The following ARSJ variants were observed in gnomAD, a reference collection of about 807,000 sequenced individuals.
The protein encoded by ARSJ is arylsulfatase J.
In ARSJ, 26 loss-of-function variants were observed where a neutral mutation model predicts 35.9. The observed-to-expected ratio is 0.72, with a 90% CI of 0.53 to 1.00. The LOEUF (loss-of-function observed/expected upper bound fraction) is 1.00, where lower values mean the gene tolerates loss of function less well. Among genes scored for constraint, ARSJ ranks in the 50% least tolerant of loss-of-function variants. The probability of loss-of-function intolerance (pLI) is 0.00; values close to 1 mark genes in which losing one functional copy is unlikely to be tolerated. For missense variants in ARSJ, 667 were observed against 723.6 expected (o/e 0.92, Z 0.90); for synonymous variants, 294 against 267.6 (o/e 1.10, Z -0.96).
chr4:113,965,845 T>A lies in ARSJ; in HGVS notation c.398+12592A>T, dbSNP rs139531503. Among the ~76,000 whole-genome samples the A allele has an allele frequency of 3.6e-4, 55 of 152,154 alleles. No individual in the cohort carries two copies. The East Asian group carries it at 0.01, about 28-fold the overall frequency. ...TATATTTTCAAGTATTTTAAAAATA[T>A]CTAAACCAAATTAAATTTTAATTTG... On this transcript the variant is annotated intron_variant, in intron 1 of 1. Coordinates refer to ENST00000315366, the MANE Select transcript of ARSJ (RefSeq NM_024590.4).
intron 1 of ARSJ, among the ~76,000 whole-genome samples, chr4:113,942,049 G>C (rs909649873): frequency 6.6e-6 from 1 of 151,930 alleles, no homozygotes; most frequent in East Asian, 1.9e-4. Flanking sequence ...AGGCAGATTG[G>C]ATTCCAGTTA....
chr4:113,977,866 T>G (rs1230643746), intron 1 of ARSJ, among the ~76,000 whole-genome samples: 1 of 152,200 alleles, frequency 6.6e-6, no homozygotes, highest in Non-Finnish European at 1.5e-5. Context: ...TTTTGAGAAC[T>G]GCTTTGCTAA....
chr4:113,946,095 A>T (rs977271390), intron 1 of ARSJ: 8 of 152,056 alleles, frequency 5.3e-5, no homozygotes, highest in Non-Finnish European at 1.0e-4. Flanking sequence ...CACTTCTGTA[A>T]GTCACTTTTA....
intron 1 of ARSJ, among the ~76,000 whole-genome samples, chr4:113,926,060 G>A (rs2374195): frequency 0.057 from 8,634 of 152,130 alleles, 328 homozygotes; most frequent in East Asian, 0.11. Flanking sequence ...AGGCTGAGTC[G>A]TGTCTACAGA....
intron 1 of ARSJ, among the ~76,000 whole-genome samples, chr4:113,908,377 A>G (rs1012133133): frequency 3.9e-5 from 6 of 152,200 alleles, no homozygotes; most frequent in African/African-American, 1.4e-4. Flanking sequence ...TTTGTGCTGC[A>G]CTTGCAATTT....
chr4:113,966,033 T>G (rs914811101), intron 1 of ARSJ, among the ~76,000 whole-genome samples: 9 of 151,918 alleles, frequency 5.9e-5, no homozygotes, highest in Non-Finnish European at 1.2e-4. Flanking sequence ...TGGTTTCACA[T>G]TGAAGATTAG....
intron 1 of ARSJ, among the ~76,000 whole-genome samples, chr4:113,941,648 C>G (rs1725166720): frequency 7.8e-6 from 1 of 128,984 alleles, no homozygotes. Context: ...TGTAAGGCAC[C>G]AAATGAAACT....
intron 1 of ARSJ, among the ~76,000 whole-genome samples, chr4:113,921,102 C>T (rs1723646275): frequency 7.9e-6 from 1 of 127,012 alleles, no homozygotes; most frequent in South Asian, 2.8e-4. Context: ...CACACACACA[C>T]ACACACACAC....
chr4:113,920,801 A>C (rs978278023), intron 1 of ARSJ, among the ~76,000 whole-genome samples: 2 of 152,212 alleles, frequency 1.3e-5, no homozygotes, highest in African/African-American at 4.8e-5. Context: ...ACATCATCCT[A>C]TTTTAGAGTA....
At chr4:113,962,580 C>T (rs986388841) in intron 1 of ARSJ, among the ~76,000 whole-genome samples, 6 of 149,766 alleles carry the variant, frequency 4.0e-5, no homozygotes, top group African/African-American at 1.5e-4. Flanking sequence ...ATCAAAAAAT[C>T]TTGTCTGCTC....
rs533193408 is a variant in ARSJ, at chr4:113,973,837, C to T, written c.398+4600G>A. Among the ~76,000 whole-genome samples the T allele has an allele frequency of 3.9e-5, 6 of 152,062 alleles. No homozygotes were observed. In the South Asian group the frequency reaches 8.3e-4, roughly 21 times the overall value. The stretch of plus-strand genomic sequence containing the variant: ...AATTAATGAACTGGTAAAAAATATC[C>T]AAGGCAATTTTGAAGAACAAGCAGG... On this transcript the variant is annotated intron_variant, in intron 1 of 1. Coordinates refer to ENST00000315366, the MANE Select transcript of ARSJ (RefSeq NM_024590.4).
chr4:113,921,173 A>G (rs1723654300), intron 1 of ARSJ, among the ~76,000 whole-genome samples: 1 of 152,094 alleles, frequency 6.6e-6, no homozygotes, highest in Non-Finnish European at 1.5e-5. Flanking sequence ...TATAAGCTTC[A>G]AACTTAAATA....
At chr4:113,914,806 G>T (rs1032698906) in intron 1 of ARSJ, among the ~76,000 whole-genome samples, 1 of 152,202 alleles carries the variant, frequency 6.6e-6, no homozygotes, top group Non-Finnish European at 1.5e-5. Flanking sequence ...AAATAACTCT[G>T]TAAGAAACAT....
intron 1 of ARSJ, among the ~76,000 whole-genome samples, chr4:113,947,760 CT>C (rs760399902): frequency 1.2e-3 from 183 of 152,114 alleles, no homozygotes; most frequent in Admixed American, 4.8e-3. Context: ...AAATTTTACC[CT>C]TTTTTGTTCA....
chr4:113,902,041 A>G lies in ARSJ; in HGVS notation c.*233T>C. 7.6e-7 allele frequency: 1 copy of G among 1,323,544 alleles called. No homozygotes were observed. Among genetic ancestry groups the G allele is most frequent in the Non-Finnish European group, 1.0e-6 (1 of 982,156 alleles). 82.0% of individuals were successfully genotyped at this position (1,323,544 alleles called of 1,614,324 possible). On this transcript the variant is annotated 3_prime_UTR_variant, in exon 2 of 2. Transcript: ENST00000315366. ...CCACGTTTTCTAAAGGAGCAAGAGA[A>G]ATAAACATCTCCACTCTCTCTAAGT... is the stretch of plus-strand genomic sequence containing the variant.
At chr4:113,930,928 A>G (rs1309756139) in intron 1 of ARSJ, among the ~76,000 whole-genome samples, 2 of 151,176 alleles carry the variant, frequency 1.3e-5, no homozygotes, top group East Asian at 3.9e-4. Flanking sequence ...CGCAAGAACA[A>G]AAAACCAAAC....
At chr4:113,906,642 G>T in intron 1 of ARSJ, 1 of 440,340 alleles carries the variant, frequency 2.3e-6, no homozygotes, top group South Asian at 1.6e-5. Context: ...GGTTAAGGGT[G>T]TAGGTTTTGG....
At chr4:113,916,759 C>A (rs1192779948) in intron 1 of ARSJ, among the ~76,000 whole-genome samples, 3 of 152,098 alleles carry the variant, frequency 2.0e-5, no homozygotes, top group African/African-American at 7.2e-5. Context: ...TCTGTTTTTC[C>A]TTTTATTTGA....
At chr4:113,914,301 A>T (rs190487633) in intron 1 of ARSJ, among the ~76,000 whole-genome samples, 1 of 152,192 alleles carries the variant, frequency 6.6e-6, no homozygotes, top group East Asian at 1.9e-4. Context: ...TGAAAACATG[A>T]TCTCTCACTC....
Sources: allele counts gnomAD v4.1 joint callset (sites outside exome capture counted in the v4.1 genomes callset), GRCh38; gene constraint gnomAD v4.1.1; transcripts MANE v1.5; gene names NCBI Gene and HGNC (gene_info 2026-07-23, HGNC 2026-07-21).